The following IFT27 variants were observed in gnomAD, a reference collection of about 807,000 sequenced individuals.
IFT27 encodes the protein intraflagellar transport protein 27 homolog.
Under a neutral mutation model 23.9 loss-of-function variants are expected in IFT27, and 19 were observed. The ratio of observed to expected loss-of-function variants is 0.79; its 90% confidence interval spans 0.55 to 1.16. The LOEUF (loss-of-function observed/expected upper bound fraction) is 1.16, where lower values mean the gene tolerates loss of function less well. Ranked by LOEUF, IFT27 falls within the 50% of genes most tolerant of loss-of-function variation. The probability of loss-of-function intolerance (pLI) is 0.00; values close to 1 mark genes in which losing one functional copy is unlikely to be tolerated. For synonymous variants in IFT27, 91 were observed against 89.1 expected (o/e 1.02, Z -0.12); for missense variants, 206 against 228.7 (o/e 0.90, Z 0.64).
chr22:36,772,730 T>C (rs1288177905), intron 1 of IFT27: 2 of 984,410 alleles, frequency 2.0e-6, no homozygotes, highest in Non-Finnish European at 2.4e-6. Context: ...ATCTGTTCAA[T>C]GCATAAACAC....
chr22:36,773,668 A>AG (rs2145926307), intron 1 of IFT27, among the ~76,000 whole-genome samples: 1 of 151,832 alleles, frequency 6.6e-6, no homozygotes, highest in African/African-American at 2.4e-5. Flanking sequence ...AAAAAAAAAA[A>AG]AAAAAATAGA....
intron 5 of IFT27, chr22:36,763,581 A>C (rs761431916): frequency 3.8e-5 from 16 of 417,438 alleles, no homozygotes; most frequent in Admixed American, 1.4e-4. Flanking sequence ...TTGAATGTTT[A>C]CTTGTACCCC....
intron 1 of IFT27, among the ~76,000 whole-genome samples, chr22:36,771,400 G>T (rs944211084): frequency 6.6e-6 from 1 of 152,202 alleles, no homozygotes; most frequent in African/African-American, 2.4e-5. Context: ...TTGGTACCAG[G>T]AGTGGTCTTA....
chr22:36,761,456 A>G (rs1938088604), intron 6 of IFT27: 1 of 152,222 alleles, frequency 6.6e-6, no homozygotes, highest in Non-Finnish European at 1.5e-5. Context: ...GGCAAGGGTG[A>G]TATTTATCTC....
At position 36,775,715 on chromosome 22, in the gene IFT27, A is replaced by C. The variant is rs369770720; in HGVS notation, c.-8T>G. On this transcript the variant is annotated 5_prime_UTR_variant, in exon 1 of 7. Coordinates refer to ENST00000433985, the MANE Select transcript of IFT27 (RefSeq NM_001177701.3). ...GGCTGCCAGCTTCACCATGGTAACC[A>C]ACACTCCCGCGAGCCGTACCCAGAG... 6.2e-7 allele frequency: 1 copy of C among 1,613,914 alleles called. No homozygotes were observed. Among genetic ancestry groups the C allele is most frequent in the African/African-American group, 1.3e-5 (1 of 74,884 alleles).
chr22:36,767,280 T>G, intron 3 of IFT27, 26 bp downstream of exon 3: 1 of 1,604,428 alleles, frequency 6.2e-7, no homozygotes, highest in Non-Finnish European at 8.5e-7. Context: ...GAGCCCTGAG[T>G]TCCCCTGGGT....
At position 36,774,684 on chromosome 22, in the gene IFT27, C is replaced by T. The variant is rs150581236; in HGVS notation, c.34+990G>A. ...AAAATTAGCCGGGCATGGTGGCTTGCGCCTGTAATCCCAGCTACTTGGGAG... is the reference window on the plus strand; with the variant it reads ...AAAATTAGCCGGGCATGGTGGCTTGTGCCTGTAATCCCAGCTACTTGGGAG... On this transcript the variant is annotated intron_variant, in intron 1 of 6. Transcript: ENST00000433985. 1.2e-3 allele frequency among the ~76,000 whole-genome samples: 190 copies of T among 152,196 alleles called. 1 individual carries two copies. The highest frequency in any genetic ancestry group is 1.3e-3 in the Non-Finnish European group (87 of 68,016).
intron 1 of IFT27, chr22:36,772,797 A>C: frequency 1.0e-6 from 1 of 984,568 alleles, no homozygotes; most frequent in Non-Finnish European, 1.2e-6. Context: ...AAACAGAGTA[A>C]CTCAGTTTAA....
At chr22:36,763,870 C>T (rs1171873365) in intron 5 of IFT27, 49 bp downstream of exon 5, 1 of 1,360,048 alleles carries the variant, frequency 7.4e-7, no homozygotes, top group Admixed American at 1.7e-5. Context: ...TGCTCTTGAA[C>T]CAAAGGACAG....
chr22:36,763,774 G>T, intron 5 of IFT27, 145 bp downstream of exon 5: 1 of 720,106 alleles, frequency 1.4e-6, no homozygotes. Flanking sequence ...TGGCTGCTAA[G>T]TGGCAGGGCC....
intron 4 of IFT27, among the ~76,000 whole-genome samples, chr22:36,764,446 G>A (rs1380581641): frequency 6.6e-6 from 1 of 152,254 alleles, no homozygotes; most frequent in African/African-American, 2.4e-5. Context: ...GGGGACGACT[G>A]AGTTCTTCTC....
Position 36,766,433 on chromosome 22 carries a change from G to A in IFT27, c.175-236C>T, listed in dbSNP as rs1214601988. ...TCTCGCACCAACCAGCACTTTCTGT[G>A]TGGAGTCTCACCTCTTGTAACCCTG... On this transcript the variant is annotated intron_variant, in intron 3 of 6. Coordinates refer to ENST00000433985, the MANE Select transcript of IFT27 (RefSeq NM_001177701.3). The A allele has an allele frequency of 7.6e-6, 4 of 528,018 alleles. No homozygotes were observed. The East Asian group carries it at 1.3e-4, about 17-fold the overall frequency. The allele number at this position is 528,018 out of a possible 1,614,324, so 32.7% of individuals were successfully genotyped here.
In IFT27 at chr22:36,765,325, G is replaced by A. The variant is rs5995342; in HGVS notation, c.234+813C>T. 9.4e-3 allele frequency among the ~76,000 whole-genome samples: 1,424 copies of A among 152,218 alleles called. 25 individuals carry two copies. The highest frequency in any genetic ancestry group is 0.032 in the African/African-American group (1,346 of 41,500). On this transcript the variant is annotated intron_variant, in intron 4 of 6. Coordinates refer to ENST00000433985, the MANE Select transcript of IFT27 (RefSeq NM_001177701.3). ...GCTGGAGGGGAGGGTGTGAGCTGAC[G>A]GGTGGCACATGGCCTGGATTTGCCC...
At chr22:36,764,062 T>C in intron 4 of IFT27, 26 bp from the exon 5 acceptor site, 1 of 1,519,428 alleles carries the variant, frequency 6.6e-7, no homozygotes, top group Non-Finnish European at 9.1e-7. Flanking sequence ...AGGATGAGTA[T>C]GGGTCAGTAA....
Position 36,763,962 on chromosome 22 carries a change from C to A in IFT27, c.309G>T (p.Trp103Cys). 6.2e-7 allele frequency: 1 copy of A among 1,614,196 alleles called. No individual in the cohort carries two copies. The highest frequency in any genetic ancestry group is 1.7e-5 in the Admixed American group (1 of 60,036). Reference protein sequence around the residue: ...NEESFNNCSKWLEKARSQAPG... With the variant: ...NEESFNNCSKCLEKARSQAPG... Reference sequence around the variant, plus strand: ...GAGCCTGTGACCGAGCCTTCTCCAGCCACTTGCTGCAGTTGTTGAAGGATT... The same window carrying A: ...GAGCCTGTGACCGAGCCTTCTCCAGACACTTGCTGCAGTTGTTGAAGGATT... The change falls in exon 5 of 7, where the codon TGG becomes TGT. Residue 103 changes from tryptophan (W) to cysteine (C), a missense_variant. Trp to Cys is a radical substitution (Grantham distance 215). Coordinates refer to ENST00000433985, the MANE Select transcript of IFT27 (RefSeq NM_001177701.3).
At chr22:36,764,246 C>T (rs1037802915) in intron 4 of IFT27, among the ~76,000 whole-genome samples, 8 of 152,378 alleles carry the variant, frequency 5.3e-5, no homozygotes, top group South Asian at 4.1e-4. Context: ...GGGGCGGTGC[C>T]GCCAAGGACA....
intron 1 of IFT27, among the ~76,000 whole-genome samples, chr22:36,774,802 A>C (rs1684297321): frequency 6.7e-6 from 1 of 148,768 alleles, no homozygotes. Context: ...ACAGCGTGAG[A>C]CTCCGTCTCA....
At chr22:36,767,696 T>C in intron 2 of IFT27, 87 bp downstream of exon 2, 1 of 1,224,974 alleles carries the variant, frequency 8.2e-7, no homozygotes, top group Middle Eastern at 2.4e-4. Context: ...GTCTTAAGGC[T>C]TCCCTCAAGG....
chr22:36,763,623 G>T, intron 5 of IFT27: 1 of 492,420 alleles, frequency 2.0e-6, no homozygotes, highest in Non-Finnish European at 3.7e-6. Context: ...ACTCTTCCCT[G>T]GGGTTAGCTT....
Sources: allele counts gnomAD v4.1 joint callset (sites outside exome capture counted in the v4.1 genomes callset), GRCh38; gene constraint gnomAD v4.1.1; transcripts MANE v1.5; gene names NCBI Gene and HGNC (gene_info 2026-07-23, HGNC 2026-07-21).